ARFIP1: variants seen among roughly 807,000 people sequenced by gnomAD.
ARFIP1 encodes arfaptin-1.
Under a neutral mutation model 42.5 loss-of-function variants are expected in ARFIP1, and 24 were observed. That is an observed-to-expected ratio of 0.57 (90% CI 0.41 to 0.80). The LOEUF (loss-of-function observed/expected upper bound fraction) is 0.80. ARFIP1 is among the 30% of genes least tolerant of loss of function. The pLI, the probability that ARFIP1 is intolerant of heterozygous loss-of-function variation, is 0.00. For missense variants in ARFIP1, 354 were observed against 434.0 expected (o/e 0.82, Z 1.64); for synonymous variants, 141 against 153.7 (o/e 0.92, Z 0.61).
At chr4:152,846,700 A>C (rs1312429451) in intron 2 of ARFIP1, among the ~76,000 whole-genome samples, 1 of 152,158 alleles carries the variant, frequency 6.6e-6, no homozygotes, top group African/African-American at 2.4e-5. Flanking sequence ...TAGTGAAGAG[A>C]TCTCATATGT....
chr4:152,839,590 G>A (rs55751412), intron 2 of ARFIP1, among the ~76,000 whole-genome samples: 6,597 of 152,196 alleles, frequency 0.043, 177 homozygotes, highest in South Asian at 0.11. Context: ...GTAGCCTTGA[G>A]TGACCTTTTG....
chr4:152,866,962 A>G (rs956824874), intron 3 of ARFIP1, among the ~76,000 whole-genome samples: 1 of 147,016 alleles, frequency 6.8e-6, no homozygotes, highest in African/African-American at 2.6e-5. Flanking sequence ...GGCGCTCCTC[A>G]CTTCCTAGAT....
intron 5 of ARFIP1, among the ~76,000 whole-genome samples, chr4:152,880,170 C>A (rs947763011): frequency 6.6e-6 from 1 of 151,970 alleles, no homozygotes; most frequent in African/African-American, 2.4e-5. Context: ...GGCAAAACCC[C>A]ATCTCTACTA....
chr4:152,891,009 A>G (rs557013670), intron 8 of ARFIP1, among the ~76,000 whole-genome samples: 1 of 152,312 alleles, frequency 6.6e-6, no homozygotes, highest in South Asian at 2.1e-4. Flanking sequence ...CAATGAAGGT[A>G]CCAGTGTCTG....
chr4:152,814,048 T>C (rs1729674720), intron 1 of ARFIP1, among the ~76,000 whole-genome samples: 1 of 151,864 alleles, frequency 6.6e-6, no homozygotes, highest in South Asian at 2.1e-4. Flanking sequence ...GAATTCTAGG[T>C]GGACAGTTTT....
intron 8 of ARFIP1, among the ~76,000 whole-genome samples, chr4:152,909,293 G>T (rs1413174144): frequency 1.3e-5 from 2 of 152,274 alleles, no homozygotes; most frequent in Non-Finnish European, 2.9e-5. Flanking sequence ...GCCAAGACAT[G>T]AGAATCACTT....
chr4:152,869,529 G>A (rs1474633985), intron 3 of ARFIP1, among the ~76,000 whole-genome samples: 8 of 151,206 alleles, frequency 5.3e-5, no homozygotes, highest in Admixed American at 1.3e-4. Context: ...GGCTGACTGC[G>A]GCCTCCTCCT....
chr4:152,856,994 T>C (rs1733498101), intron 2 of ARFIP1, among the ~76,000 whole-genome samples: 1 of 152,234 alleles, frequency 6.6e-6, no homozygotes, highest in East Asian at 1.9e-4. Context: ...CCATTGATTT[T>C]AGATATTGAA....
At chr4:152,826,516 G>A (rs1367738336) in intron 1 of ARFIP1, among the ~76,000 whole-genome samples, 1 of 151,764 alleles carries the variant, frequency 6.6e-6, no homozygotes, top group African/African-American at 2.4e-5. Flanking sequence ...CTACCTATAG[G>A]GTACAATGTA....
At chr4:152,900,092 G>A (rs888089528) in intron 8 of ARFIP1, among the ~76,000 whole-genome samples, 10 of 150,616 alleles carry the variant, frequency 6.6e-5, no homozygotes, top group African/African-American at 2.4e-4. Flanking sequence ...TATTGATCAC[G>A]TCTAAACTTG....
At chr4:152,798,729 A>G (rs1050916404) in intron 1 of ARFIP1, among the ~76,000 whole-genome samples, 5 of 152,168 alleles carry the variant, frequency 3.3e-5, no homozygotes, top group Non-Finnish European at 7.4e-5. Context: ...ATTTGTGTGT[A>G]TATTTATCTC....
At chr4:152,872,380 A>G (rs1171748268) in intron 4 of ARFIP1, 72 bp from the exon 5 acceptor site, 9 of 983,212 alleles carry the variant, frequency 9.2e-6, no homozygotes, top group Non-Finnish European at 1.2e-5. Context: ...AATTTGAACA[A>G]TATCAGGGTT....
At chr4:152,909,123 G>C (rs373197165) in intron 8 of ARFIP1, among the ~76,000 whole-genome samples, 2 of 152,076 alleles carry the variant, frequency 1.3e-5, no homozygotes, top group Non-Finnish European at 2.9e-5. Context: ...GGTGGCTTAC[G>C]CCTGTAATCC....
At chr4:152,889,323 C>A (rs1207748789) in intron 8 of ARFIP1, among the ~76,000 whole-genome samples, 2 of 151,284 alleles carry the variant, frequency 1.3e-5, no homozygotes, top group East Asian at 3.9e-4. Flanking sequence ...AGCACTTTCA[C>A]TGACTTGTTT....
chr4:152,886,943 G>A (rs1736311482), intron 7 of ARFIP1, among the ~76,000 whole-genome samples: 1 of 151,930 alleles, frequency 6.6e-6, no homozygotes. Flanking sequence ...ATTAGGATCA[G>A]TGTGAAGGAC....
intron 1 of ARFIP1, chr4:152,796,262 A>G (rs1731463864): frequency 3.9e-5 from 40 of 1,030,548 alleles, no homozygotes; most frequent in South Asian, 3.5e-4. Context: ...AAGTATTGGT[A>G]GGCAAAAGGT....
chr4:152,794,910 G>A (rs988214717), intron 1 of ARFIP1, among the ~76,000 whole-genome samples: 3 of 152,074 alleles, frequency 2.0e-5, no homozygotes, highest in African/African-American at 4.8e-5. Context: ...GTTGGCTCCT[G>A]TGTTCTTTCA....
At chr4:152,827,760 C>T (rs1330234249) in intron 1 of ARFIP1, among the ~76,000 whole-genome samples, 1 of 152,184 alleles carries the variant, frequency 6.6e-6, no homozygotes, top group Non-Finnish European at 1.5e-5. Context: ...ACAGCAGCCT[C>T]TACCTCCTGG....
chr4:152,818,103 A>G (rs558064210), intron 1 of ARFIP1, among the ~76,000 whole-genome samples: 2 of 152,338 alleles, frequency 1.3e-5, no homozygotes, highest in East Asian at 1.9e-4. Context: ...GACTGGAGAC[A>G]TTGTTAGCAT....
Sources: gnomAD v4.1 joint callset for allele counts (sites outside exome capture counted in the v4.1 genomes callset) on GRCh38, gnomAD v4.1.1 for gene constraint, MANE v1.5 for transcripts, NCBI Gene and HGNC (gene_info 2026-07-23, HGNC 2026-07-21) for gene names.